Variants in PXDNL observed in about 807,000 individuals in gnomAD.
PXDNL encodes the protein probable oxidoreductase PXDNL.
PXDNL carries 145 observed loss-of-function variants against 150.8 expected under a neutral mutation model. The ratio of observed to expected loss-of-function variants is 0.96; its 90% CI spans 0.84 to 1.10. The LOEUF (loss-of-function observed/expected upper bound fraction) is 1.10. Ranked by LOEUF, PXDNL falls within the 50% of genes least tolerant of loss-of-function variation. The pLI, the probability that PXDNL is intolerant of heterozygous loss-of-function variation, is 0.00. For missense variants in PXDNL, 2,087 were observed against 1,873.9 expected, an observed-to-expected ratio of 1.11 and a Z score of -2.10; for synonymous variants, 757 against 725.7, an observed-to-expected ratio of 1.04 and a Z score of -0.69.
At chr8:51,451,560 CA>C (rs1809808805) in intron 10 of PXDNL, among the ~76,000 whole-genome samples, 1 of 152,228 alleles carries the variant, frequency 6.6e-6, no homozygotes, top group African/African-American at 2.4e-5. Flanking sequence ...GCCTCACACA[CA>C]AAGCATTTTG....
intron 17 of PXDNL, among the ~76,000 whole-genome samples, chr8:51,391,976 C>A (rs1390382884): frequency 1.3e-5 from 2 of 152,230 alleles, no homozygotes; most frequent in African/African-American, 4.8e-5. Flanking sequence ...GTTTTCCCAG[C>A]ACCATTTATG....
chr8:51,407,776 G>A (rs1206070647), intron 17 of PXDNL, among the ~76,000 whole-genome samples: 2 of 152,106 alleles, frequency 1.3e-5, no homozygotes, highest in African/African-American at 2.4e-5. Context: ...TTGGATTACC[G>A]CAGAACACGA....
intron 1 of PXDNL, among the ~76,000 whole-genome samples, chr8:51,798,995 C>A (rs1192633361): frequency 6.6e-6 from 1 of 152,182 alleles, no homozygotes; most frequent in Non-Finnish European, 1.5e-5. Flanking sequence ...CCCAAATCCC[C>A]ATCAATGATA....
intron 2 of PXDNL, among the ~76,000 whole-genome samples, chr8:51,627,516 G>A (rs1217247757): frequency 6.6e-6 from 1 of 152,014 alleles, no homozygotes; most frequent in Non-Finnish European, 1.5e-5. Flanking sequence ...AAGATAAAAT[G>A]TCAGAATAAA....
rs116979790 is a variant in PXDNL at position 51,567,691 on chromosome 8, T to C, written c.309-10780A>G. Among the ~76,000 whole-genome samples the C allele has an allele frequency of 8.8e-3, 1,341 of 151,858 alleles. 11 individuals are homozygous for C. Among genetic ancestry groups the C allele is most frequent in the Middle Eastern group, 0.017 (5 of 294 alleles). On this transcript the variant is annotated intron_variant, in intron 3 of 22. Transcript: ENST00000356297. Reference sequence around the variant, plus strand: ...TATTTCATGGGTAGTGCTGGTACCTTGTAACAGAGTATAGTCATCCTTCAG... The same window carrying C: ...TATTTCATGGGTAGTGCTGGTACCTCGTAACAGAGTATAGTCATCCTTCAG...
intron 1 of PXDNL, among the ~76,000 whole-genome samples, chr8:51,776,179 C>T (rs2037351487): frequency 1.3e-5 from 2 of 152,126 alleles, no homozygotes; most frequent in African/African-American, 4.8e-5. Context: ...ACAATGCGTG[C>T]CCAAAACTTC....
chr8:51,798,512 A>T (rs1422646420), intron 1 of PXDNL, among the ~76,000 whole-genome samples: 1 of 152,226 alleles, frequency 6.6e-6, no homozygotes, highest in African/African-American at 2.4e-5. Flanking sequence ...ACCCCATTAA[A>T]ACCTGGGCAA....
At chr8:51,476,385 C>A (rs1810475346) in intron 6 of PXDNL, among the ~76,000 whole-genome samples, 1 of 152,154 alleles carries the variant, frequency 6.6e-6, no homozygotes, top group Non-Finnish European at 1.5e-5. Context: ...GGACAGAAGC[C>A]AAGCTTTCCT....
chr8:51,484,215 T>C (rs573041899), intron 5 of PXDNL, among the ~76,000 whole-genome samples: 2 of 152,168 alleles, frequency 1.3e-5, no homozygotes, highest in African/African-American at 4.8e-5. Context: ...GCTGGGCGGA[T>C]GACTTGAGGC....
chr8:51,490,727 AGTGTGT>A (rs35415972), intron 5 of PXDNL, among the ~76,000 whole-genome samples: 69,450 of 147,062 alleles, frequency 0.47, 18,779 homozygotes, highest in Non-Finnish European at 0.61. Context: ...TTGACTTTCT[AGTGTGT>A]GTGTGTGTGT....
chr8:51,762,723 G>A (rs550541194), intron 1 of PXDNL, among the ~76,000 whole-genome samples: 33 of 152,254 alleles, frequency 2.2e-4, no homozygotes, highest in Admixed American at 1.8e-3. Flanking sequence ...AAACAAAGAG[G>A]TACCCCGACC....
intron 21 of PXDNL, among the ~76,000 whole-genome samples, chr8:51,323,333 G>A (rs549324013): frequency 1.2e-4 from 19 of 152,278 alleles, no homozygotes; most frequent in African/African-American, 4.6e-4. Flanking sequence ...AGGCTGGAGT[G>A]TAGTGGCACC....
chr8:51,584,706 T>C (rs532791805), intron 3 of PXDNL, among the ~76,000 whole-genome samples: 1 of 152,166 alleles, frequency 6.6e-6, no homozygotes, highest in East Asian at 1.9e-4. Flanking sequence ...AACTCAGAGT[T>C]TGAGGAGGTG....
At position 51,776,015 on chromosome 8, in the gene PXDNL, G is replaced by A. The variant is rs563684758; in HGVS notation, c.164+33166C>T. 2.3e-4 allele frequency among the ~76,000 whole-genome samples: 35 copies of A among 152,260 alleles called. No individual in the cohort carries two copies. In the South Asian group the frequency reaches 6.9e-3, roughly 30 times the overall value. On this transcript the variant is annotated intron_variant, in intron 1 of 22. Transcript: ENST00000356297. The stretch of plus-strand genomic sequence containing the variant: ...TCTCTAAAATGGCCACTTTAGGAAC[G>A]GCTGTCTTTTACAGTTGTGTAAGGA...
intron 2 of PXDNL, among the ~76,000 whole-genome samples, chr8:51,626,156 T>C (rs1814356497): frequency 6.6e-6 from 1 of 152,230 alleles, no homozygotes; most frequent in South Asian, 2.1e-4. Context: ...TTATCATAGA[T>C]AATAACGAGA....
At chr8:51,682,089 A>T (rs1815762216) in intron 1 of PXDNL, among the ~76,000 whole-genome samples, 1 of 152,250 alleles carries the variant, frequency 6.6e-6, no homozygotes, top group Non-Finnish European at 1.5e-5. Context: ...TGCTAAAAAA[A>T]TTTTAGCAAA....
chr8:51,643,141 C>A (rs543077260), intron 2 of PXDNL, among the ~76,000 whole-genome samples: 67 of 152,228 alleles, frequency 4.4e-4, no homozygotes, highest in African/African-American at 1.5e-3. Context: ...AGATACAATG[C>A]CATCCCCATC....
At chr8:51,792,708 G>A (rs1358680464) in intron 1 of PXDNL, among the ~76,000 whole-genome samples, 2 of 152,192 alleles carry the variant, frequency 1.3e-5, no homozygotes, top group Non-Finnish European at 2.9e-5. Context: ...GATAATGGCT[G>A]TGGTACATTG....
In PXDNL at chr8:51,321,563, G is replaced by A. The variant is rs139821454; in HGVS notation, c.4147-666C>T. Among the ~76,000 whole-genome samples the A allele has an allele frequency of 1.4e-3, 211 of 152,084 alleles. 4 individuals are homozygous for A. In the East Asian group the frequency reaches 0.015, roughly 11 times the overall value. ...GGCAGATTTCCCCCATGCTGTTCTC[G>A]GGGTAGTGAATTCTCATGAGATCTG... On this transcript the variant is annotated intron_variant, in intron 21 of 22. Transcript: ENST00000356297.
Sources: gnomAD v4.1 joint callset for allele counts (sites outside exome capture counted in the v4.1 genomes callset) on GRCh38, gnomAD v4.1.1 for gene constraint, MANE v1.5 for transcripts, NCBI Gene and HGNC (gene_info 2026-07-23, HGNC 2026-07-21) for gene names.